Variants in PREX2 observed in about 807,000 individuals in gnomAD.
PREX2 encodes the protein phosphatidylinositol-3,4,5-trisphosphate dependent Rac exchange factor 2.
PREX2 carries 107 observed loss-of-function variants against 203.2 expected under a neutral mutation model. The observed-to-expected ratio is 0.53, with a 90% CI of 0.45 to 0.62. PREX2 has a LOEUF of 0.62. Ranked by LOEUF, PREX2 falls within the 20% of genes least tolerant of loss-of-function variation. The pLI, the probability that PREX2 is intolerant of heterozygous loss-of-function variation, is 0.00. For synonymous variants in PREX2, 672 were observed against 663.6 expected, an observed-to-expected ratio of 1.01 and a Z score of -0.19; for missense variants, 1,777 against 1,955.9, an observed-to-expected ratio of 0.91 and a Z score of 1.72.
In PREX2 at chr8:68,235,384, G is replaced by T. The variant is rs565268314; in HGVS notation, c.*4006G>T. ...ACTATGTTTAATTTTTAAAGACATTGTTATGTGAATTATCTTACTAAATTA... is the reference window on the plus strand; with the variant it reads ...ACTATGTTTAATTTTTAAAGACATTTTTATGTGAATTATCTTACTAAATTA... On this transcript the variant is annotated 3_prime_UTR_variant, in exon 40 of 40. Transcript: ENST00000288368. 1 of 152,086 alleles carries T rather than the reference G, an allele frequency of 6.6e-6. No individual in the cohort carries two copies. The highest frequency in any genetic ancestry group is 1.5e-5 in the Non-Finnish European group (1 of 67,990). 9.4% of individuals were successfully genotyped at this position (152,086 alleles called of 1,614,324 possible).
At chr8:68,205,376 GTGTTTGGGTTTTTCACATTCTCAC>G (rs1284295472) in intron 37 of PREX2, among the ~76,000 whole-genome samples, 1 of 152,138 alleles carries the variant, frequency 6.6e-6, no homozygotes, top group African/African-American at 2.4e-5. Context: ...AATAACTTAA[GTGTTTGGGTTTTTCACATTCTCAC>G]TGACTTGTAG....
intron 1 of PREX2, among the ~76,000 whole-genome samples, chr8:67,956,188 A>T (rs968153453): frequency 6.6e-6 from 1 of 152,244 alleles, no homozygotes; most frequent in African/African-American, 2.4e-5. Context: ...TAAATAAATG[A>T]TTACATGAAC....
At chr8:68,101,245 G>A (rs1810255676) in intron 23 of PREX2, 2 of 453,162 alleles carry the variant, frequency 4.4e-6, no homozygotes, top group Non-Finnish European at 4.3e-6. Flanking sequence ...GAATAGGGAT[G>A]TGTGTAAATT....
At position 68,141,122 on chromosome 8, in the gene PREX2, C is replaced by T. The variant is rs560981106; in HGVS notation, c.4087+2605C>T. ...AAGTAAATGGGCAATTTGACCACTT[C>T]GTAATAAGGGAAATACGAGGTGCTT... On this transcript the variant is annotated intron_variant, in intron 33 of 39. Transcript: ENST00000288368. 3.3e-5 allele frequency among the ~76,000 whole-genome samples: 5 copies of T among 152,050 alleles called. No homozygotes were observed. In the South Asian group the frequency reaches 6.2e-4, roughly 19 times the overall value.
chr8:67,981,049 G>A (rs1029194256), intron 1 of PREX2, among the ~76,000 whole-genome samples: 1 of 152,094 alleles, frequency 6.6e-6, no homozygotes, highest in African/African-American at 2.4e-5. Flanking sequence ...AATAACAGGA[G>A]CAAACAACAT....
At chr8:68,220,106 T>G (rs1464757874) in intron 38 of PREX2, 1 of 151,970 alleles carries the variant, frequency 6.6e-6, no homozygotes, top group Non-Finnish European at 1.5e-5. Context: ...TTAATTTTTT[T>G]GGGAATAAGA....
intron 35 of PREX2, among the ~76,000 whole-genome samples, chr8:68,184,889 T>C (rs538364216): frequency 6.6e-6 from 1 of 152,318 alleles, no homozygotes; most frequent in African/African-American, 2.4e-5. Context: ...TGTGAAAAAG[T>C]GAGCATCCCT....
chr8:68,013,958 G>A (rs28450471), intron 1 of PREX2, among the ~76,000 whole-genome samples: 4,403 of 152,148 alleles, frequency 0.029, 207 homozygotes, highest in African/African-American at 0.099. Context: ...AAAATCTGCC[G>A]GACTTTTGAG....
intron 2 of PREX2, among the ~76,000 whole-genome samples, chr8:68,019,081 C>T (rs1807488837): frequency 6.6e-6 from 1 of 152,258 alleles, no homozygotes; most frequent in South Asian, 2.1e-4. Context: ...TCGCTACATC[C>T]TCTCCAGCTA....
At chr8:68,096,332 T>C (rs1810071149) in intron 21 of PREX2, among the ~76,000 whole-genome samples, 1 of 152,230 alleles carries the variant, frequency 6.6e-6, no homozygotes, top group African/African-American at 2.4e-5. Context: ...TTTTGGGCTT[T>C]GTTGTTCTAA....
intron 35 of PREX2, among the ~76,000 whole-genome samples, chr8:68,168,909 C>CT (rs60305267): frequency 0.49 from 73,268 of 149,196 alleles, 18,590 homozygotes; most frequent in African/African-American, 0.66. Flanking sequence ...CAGAAGATGA[C>CT]TTTTTTTTTT....
At chr8:67,991,765 T>G (rs537172778) in intron 1 of PREX2, among the ~76,000 whole-genome samples, 1 of 152,126 alleles carries the variant, frequency 6.6e-6, no homozygotes, top group Admixed American at 6.5e-5. Flanking sequence ...GGGGTAAACA[T>G]TAGGGAGTGG....
At chr8:68,101,668 G>A (rs1379305815) in intron 23 of PREX2, among the ~76,000 whole-genome samples, 2 of 152,128 alleles carry the variant, frequency 1.3e-5, no homozygotes, top group African/African-American at 2.4e-5. Context: ...TTCTCCTTTC[G>A]AAGAAGTTTT....
In PREX2 at chr8:68,138,455, T is replaced by C; in HGVS notation, c.4025T>C (p.Leu1342Pro). The change falls in exon 33 of 40, where the codon CTA becomes CCA. Residue 1342 changes from leucine to proline, a missense_variant. By Grantham distance (98) the Leu-to-Pro change is moderately conservative. Transcript: ENST00000288368. ...QAMLEDTLVA[L>P]FDLEKVSFYF... ...ATGTTAGAAGATACACTGGTTGCAC[T>C]ATTTGATTTGGAAAAGGTTTCCTTT... 6.2e-7 allele frequency: 1 copy of C among 1,606,314 alleles called. No homozygotes were observed. Among genetic ancestry groups the C allele is most frequent in the Non-Finnish European group, 8.5e-7 (1 of 1,175,622 alleles).
At chr8:68,003,513 G>A (rs921772334) in intron 1 of PREX2, among the ~76,000 whole-genome samples, 1 of 152,132 alleles carries the variant, frequency 6.6e-6, no homozygotes, top group African/African-American at 2.4e-5. Flanking sequence ...AACTGAAAGT[G>A]GGTGCTCAAT....
chr8:67,960,029 TTTC>T (rs1805590502), intron 1 of PREX2, among the ~76,000 whole-genome samples: 3 of 148,430 alleles, frequency 2.0e-5, no homozygotes, highest in Non-Finnish European at 3.0e-5. Flanking sequence ...TTCCTTTTCT[TTTC>T]TTTTTAATTA....
intron 32 of PREX2, among the ~76,000 whole-genome samples, chr8:68,134,929 T>C (rs1356840730): frequency 6.6e-6 from 1 of 152,186 alleles, no homozygotes; most frequent in Non-Finnish European, 1.5e-5. Context: ...CCTCCTGTGG[T>C]TTGGATAGTT....
chr8:68,166,631 A>G (rs561882942), intron 35 of PREX2, among the ~76,000 whole-genome samples: 2 of 152,268 alleles, frequency 1.3e-5, no homozygotes, highest in South Asian at 2.1e-4. Flanking sequence ...TCAATTGTCA[A>G]TTGTCATCAC....
Position 68,193,948 on chromosome 8 carries a change from T to C in PREX2, c.4604+1423T>C, listed in dbSNP as rs6985110. On this transcript the variant is annotated intron_variant, in intron 37 of 39. Transcript: ENST00000288368. ...CAAGAGTATTTCTCTTAAAAGAACA[T>C]TAATTTTTTGTGGTTGGCAAAATAT... Among the ~76,000 whole-genome samples, 1,099 of 152,322 alleles carry C rather than the reference T, an allele frequency of 7.2e-3. 12 individuals carry two copies. Among genetic ancestry groups the C allele is most frequent in the African/African-American group, 0.025 (1,050 of 41,576 alleles).
Sources: allele counts gnomAD v4.1 joint callset (sites outside exome capture counted in the v4.1 genomes callset), GRCh38; gene constraint gnomAD v4.1.1; transcripts MANE v1.5; gene names NCBI Gene and HGNC (gene_info 2026-07-23, HGNC 2026-07-21).